The following METAP1D variants were observed in gnomAD, a reference collection of about 807,000 sequenced individuals.
The protein encoded by METAP1D is methionyl aminopeptidase type 1D, mitochondrial, also known as methionine aminopeptidase 1D, mitochondrial.
METAP1D carries 31 observed loss-of-function variants against 40.5 expected under a neutral mutation model. The ratio of observed to expected loss-of-function variants is 0.77; its 90% CI spans 0.58 to 1.03. METAP1D has a LOEUF of 1.03. METAP1D is among the 50% of genes least tolerant of loss of function. The probability of loss-of-function intolerance (pLI) is 0.00; values close to 1 mark genes in which losing one functional copy is unlikely to be tolerated. For synonymous variants in METAP1D, 151 were observed against 146.4 expected, an observed-to-expected ratio of 1.03 and a Z score of -0.22; for missense variants, 411 against 420.7, an observed-to-expected ratio of 0.98 and a Z score of 0.20.
intron 1 of METAP1D, among the ~76,000 whole-genome samples, chr2:172,011,789 G>A (rs1688728714): frequency 6.6e-6 from 1 of 152,162 alleles, no homozygotes. Context: ...CCAGTTTGTG[G>A]ACATTTGGGT....
intron 1 of METAP1D, among the ~76,000 whole-genome samples, chr2:172,012,577 A>G (rs970744562): frequency 6.6e-6 from 1 of 152,194 alleles, no homozygotes; most frequent in Non-Finnish European, 1.5e-5. Context: ...TTAAAGAAAA[A>G]TCACAGCTGC....
intron 1 of METAP1D, among the ~76,000 whole-genome samples, chr2:172,024,082 A>G (rs922219753): frequency 1.3e-5 from 2 of 152,056 alleles, no homozygotes; most frequent in Admixed American, 6.6e-5. Context: ...GATAGTCTCG[A>G]TCTCCTGACC....
intron 1 of METAP1D, 23 bp downstream of exon 1, chr2:172,000,032 C>G (rs996041626): frequency 7.7e-7 from 1 of 1,303,702 alleles, no homozygotes; most frequent in African/African-American, 1.5e-5. Flanking sequence ...AGGAGAGCCC[C>G]GTGAGGGTTC....
intron 1 of METAP1D, among the ~76,000 whole-genome samples, chr2:172,049,870 A>G (rs1020173784): frequency 1.3e-5 from 2 of 151,768 alleles, no homozygotes; most frequent in African/African-American, 4.8e-5. Context: ...CCGATTTACC[A>G]CTCCTATTGA....
chr2:172,057,777 T>G (rs1690034460), intron 1 of METAP1D, among the ~76,000 whole-genome samples: 1 of 152,172 alleles, frequency 6.6e-6, no homozygotes, highest in African/African-American at 2.4e-5. Flanking sequence ...AACTGTGACA[T>G]GGAGTAATAA....
In METAP1D at chr2:172,010,748, G is replaced by GTT. The variant is rs375241055; in HGVS notation, c.40+10755_40+10756dup. 1.1e-3 allele frequency among the ~76,000 whole-genome samples: 127 copies of GTT among 120,242 alleles called. 1 individual carries two copies. Among genetic ancestry groups the GTT allele is most frequent in the Non-Finnish European group, 1.4e-3 (81 of 57,706 alleles). 78.9% of individuals were successfully genotyped at this position (120,242 alleles called of 152,430 possible). The stretch of plus-strand genomic sequence containing the variant: ...GCCTCAAGTGATTCACCTGCCCAAT[G>GTT]TTTTTTTTTTTTTTTTTGAGATGAA... On this transcript the variant is annotated intron_variant, in intron 1 of 9. Coordinates refer to ENST00000315796, the MANE Select transcript of METAP1D (RefSeq NM_199227.3).
chr2:172,079,984 A>G, intron 8 of METAP1D, 144 bp from the exon 9 acceptor site: 1 of 678,310 alleles, frequency 1.5e-6, no homozygotes, highest in Non-Finnish European at 2.5e-6. Context: ...TCAATTATCA[A>G]CCCTTGCAAG....
At chr2:172,046,290 C>A (rs537642672) in intron 1 of METAP1D, among the ~76,000 whole-genome samples, 2 of 151,386 alleles carry the variant, frequency 1.3e-5, no homozygotes, top group East Asian at 3.9e-4. Flanking sequence ...TTTTAGCTGT[C>A]TGGATGATTA....
intron 3 of METAP1D, chr2:172,064,147 T>C (rs1443304237): frequency 8.5e-6 from 2 of 236,578 alleles, no homozygotes; most frequent in East Asian, 1.9e-4. Flanking sequence ...AGTTGATCAA[T>C]GGCAGACAGC....
At chr2:172,027,110 C>G (rs138607008) in intron 1 of METAP1D, among the ~76,000 whole-genome samples, 1 of 152,248 alleles carries the variant, frequency 6.6e-6, no homozygotes, top group Non-Finnish European at 1.5e-5. Flanking sequence ...TTCAGCAAAC[C>G]CACTGATTGT....
Position 172,045,817 on chromosome 2 carries a change from GTGTATATATATATATATATATATATA to G in METAP1D, c.41-15679_41-15654del, listed in dbSNP as rs1418579576. Among the ~76,000 whole-genome samples the G allele has an allele frequency of 8.6e-4, 14 of 16,346 alleles. 1 individual carries two copies. In the South Asian group the frequency reaches 0.031, roughly 36 times the overall value. 10.7% of individuals were successfully genotyped at this position (16,346 alleles called of 152,430 possible). A position where few individuals can be genotyped will look rare whatever the true frequency, so the allele number is the denominator to read the frequency against. On this transcript the variant is annotated intron_variant, in intron 1 of 9. Coordinates refer to ENST00000315796, the MANE Select transcript of METAP1D (RefSeq NM_199227.3). ...TATATATGTGTGTGTGTGTGTGTGT[GTGTATATATATATATATATATATATA>G]TATATATATATATATATATATGACG...
intron 1 of METAP1D, among the ~76,000 whole-genome samples, chr2:172,023,573 G>T (rs180678403): frequency 6.6e-6 from 1 of 152,138 alleles, no homozygotes; most frequent in African/African-American, 2.4e-5. Context: ...ACATGCATTC[G>T]TCAGGACTCA....
chr2:172,060,070 A>C (rs1432071404), intron 1 of METAP1D, among the ~76,000 whole-genome samples: 4 of 151,950 alleles, frequency 2.6e-5, no homozygotes, highest in East Asian at 2.0e-4. Flanking sequence ...AAACCAAAAA[A>C]CAAAAAACAA....
chr2:172,054,391 T>G (rs1411846972), intron 1 of METAP1D, among the ~76,000 whole-genome samples: 3 of 151,912 alleles, frequency 2.0e-5, no homozygotes, highest in Non-Finnish European at 4.4e-5. Context: ...TGGTGGTGGG[T>G]GCCTGTAATC....
chr2:172,029,408 G>A (rs1689190982), intron 1 of METAP1D, among the ~76,000 whole-genome samples: 2 of 152,142 alleles, frequency 1.3e-5, no homozygotes, highest in Admixed American at 1.3e-4. Context: ...AAGGGATAGA[G>A]CCAAACCTTG....
chr2:172,063,007 T>C (rs1690172265), intron 2 of METAP1D, among the ~76,000 whole-genome samples: 1 of 152,242 alleles, frequency 6.6e-6, no homozygotes, highest in Admixed American at 6.5e-5. Context: ...TGTAAGATGG[T>C]ATTTATTTCC....
intron 3 of METAP1D, among the ~76,000 whole-genome samples, chr2:172,064,894 G>A (rs545678411): frequency 1.3e-5 from 2 of 152,112 alleles, no homozygotes; most frequent in African/African-American, 4.8e-5. Flanking sequence ...TTTTGTTTTA[G>A]AATTTTATTT....
At chr2:172,000,958 G>C (rs1688446640) in intron 1 of METAP1D, among the ~76,000 whole-genome samples, 1 of 152,012 alleles carries the variant, frequency 6.6e-6, no homozygotes, top group African/African-American at 2.4e-5. Flanking sequence ...AGCCGTGATC[G>C]TACCACTGAA....
chr2:172,065,019 T>G (rs1412320169), intron 3 of METAP1D, among the ~76,000 whole-genome samples: 1 of 152,228 alleles, frequency 6.6e-6, no homozygotes, highest in East Asian at 1.9e-4. Context: ...AAAAATATTT[T>G]AAAAATTACA....
Sources: allele counts gnomAD v4.1 joint callset (sites outside exome capture counted in the v4.1 genomes callset), GRCh38; gene constraint gnomAD v4.1.1; transcripts MANE v1.5; gene names NCBI Gene and HGNC (gene_info 2026-07-23, HGNC 2026-07-21).